DMD: variants seen among roughly 807,000 people sequenced by gnomAD.
The protein encoded by DMD is mutant dystrophin.
DMD carries 63 observed loss-of-function variants against 330.1 expected under a neutral mutation model. That is an observed-to-expected ratio of 0.19 (90% CI 0.16 to 0.24). DMD has a LOEUF of 0.24. DMD is among the 10% of genes least tolerant of loss of function. The pLI, the probability that DMD is intolerant of heterozygous loss-of-function variation, is 1.00. For missense variants in DMD, 3,344 were observed against 2,684.1 expected (o/e 1.25, Z -5.43); for synonymous variants, 1,223 against 959.8 (o/e 1.27, Z -5.07).
intron 43 of DMD, among the ~76,000 whole-genome samples, chrX:32,242,957 AACAG>A (rs200748077): frequency 0.15 from 16,016 of 106,172 alleles, 1,119 homozygotes; most frequent in Admixed American, 0.25. Flanking sequence ...AAGGAAAAGG[AACAG>A]AAGGAAAGGA....
At chrX:31,910,522 G>A (rs1414718164) in intron 47 of DMD, among the ~76,000 whole-genome samples, 2 of 112,267 alleles carry the variant, frequency 1.8e-5, no homozygotes, top group African/African-American at 3.2e-5. Flanking sequence ...GGACCGTCTA[G>A]TGCAGGCTTG....
intron 55 of DMD, among the ~76,000 whole-genome samples, chrX:31,581,968 G>C (rs751842055): frequency 3.6e-5 from 4 of 111,574 alleles, no homozygotes; most frequent in African/African-American, 6.5e-5. Flanking sequence ...TTGTATACCA[G>C]TGCCACCATT....
chrX:32,736,799 G>A (rs1322703128), intron 7 of DMD, among the ~76,000 whole-genome samples: 1 of 108,744 alleles, frequency 9.2e-6, no homozygotes. Context: ...ATAGCACTGG[G>A]AGATTTATCT....
chrX:31,898,461 G>A (rs1469509526), intron 47 of DMD, among the ~76,000 whole-genome samples: 7 of 110,537 alleles, frequency 6.3e-5, no homozygotes, highest in South Asian at 3.9e-4. Flanking sequence ...CAGAAGTAAC[G>A]CCGCATATCT....
At chrX:31,436,797 T>C (rs1417948952) in intron 60 of DMD, among the ~76,000 whole-genome samples, 1 of 112,105 alleles carries the variant, frequency 8.9e-6, no homozygotes, top group Non-Finnish European at 1.9e-5. Flanking sequence ...TAAATGATTA[T>C]TCTCTCCTTA....
chrX:32,775,305 G>C (rs1393648722), intron 7 of DMD, among the ~76,000 whole-genome samples: 1 of 112,281 alleles, frequency 8.9e-6, no homozygotes, highest in Non-Finnish European at 1.9e-5. Flanking sequence ...CTCTTCTCAT[G>C]GCTCCACTAG....
At chrX:32,359,006 C>T (rs2097819890) in intron 37 of DMD, among the ~76,000 whole-genome samples, 1 of 111,783 alleles carries the variant, frequency 8.9e-6, no homozygotes, top group Non-Finnish European at 1.9e-5. Context: ...AAATGAGGCT[C>T]TGAGAGGTAA....
intron 55 of DMD, among the ~76,000 whole-genome samples, chrX:31,562,949 A>G (rs1250222914): frequency 8.9e-6 from 1 of 112,660 alleles, no homozygotes; most frequent in African/African-American, 3.2e-5. Flanking sequence ...GTTTTCTAAG[A>G]GGAATTGCAA....
At chrX:32,725,965 A>G (rs1190952000) in intron 7 of DMD, among the ~76,000 whole-genome samples, 1 of 110,996 alleles carries the variant, frequency 9.0e-6, no homozygotes, top group African/African-American at 3.3e-5. Flanking sequence ...ACATATATAC[A>G]CATACAAACT....
intron 7 of DMD, among the ~76,000 whole-genome samples, chrX:32,753,249 ATAAAAT>A (rs1413527831): frequency 1.8e-5 from 2 of 112,073 alleles, no homozygotes; most frequent in Non-Finnish European, 3.8e-5. Context: ...CACATCAAAA[ATAAAAT>A]TAAACTATTA....
rs576218894 is a variant in DMD at position 32,876,174 on chromosome X, T to A, written c.94-26354A>T. Among the ~76,000 whole-genome samples the A allele has an allele frequency of 1.7e-4, 19 of 111,927 alleles. No individual in the cohort carries two copies. In the South Asian group the frequency reaches 7.1e-3, roughly 42 times the overall value. The stretch of plus-strand genomic sequence containing the variant: ...TTCTATTTCTAACCATATCCAATGA[T>A]ACCACCATCCTCTCAATTTTTCAGC... On this transcript the variant is annotated intron_variant, in intron 2 of 78. Coordinates refer to ENST00000357033, the MANE Select transcript of DMD (RefSeq NM_004006.3).
chrX:32,104,728 AC>A (rs377566672), intron 44 of DMD, among the ~76,000 whole-genome samples: 1 of 111,998 alleles, frequency 8.9e-6, no homozygotes, highest in African/African-American at 3.2e-5. Context: ...AAGATGCCAG[AC>A]ACTTGCGCCT....
intron 7 of DMD, among the ~76,000 whole-genome samples, chrX:32,767,645 A>G (rs1175204614): frequency 9.0e-6 from 1 of 111,691 alleles, no homozygotes; most frequent in East Asian, 2.8e-4. Flanking sequence ...GCATCTAATT[A>G]CTTGGAGCCC....
At chrX:32,667,768 T>TG (rs1491232215) in intron 9 of DMD, among the ~76,000 whole-genome samples, 1 of 23,145 alleles carries the variant, frequency 4.3e-5, no homozygotes, top group Non-Finnish European at 1.0e-4. Context: ...TGCTTTTGTG[T>TG]TTTTTTTTTT....
At chrX:32,697,285 G>A (rs923068568) in intron 9 of DMD, among the ~76,000 whole-genome samples, 4 of 111,464 alleles carry the variant, frequency 3.6e-5, no homozygotes, top group South Asian at 3.7e-4. Flanking sequence ...AAACATTGCC[G>A]AGAATATGAC....
chrX:32,226,194 T>G (rs1434614402), intron 43 of DMD, among the ~76,000 whole-genome samples: 1 of 111,855 alleles, frequency 8.9e-6, no homozygotes, highest in Non-Finnish European at 1.9e-5. Context: ...ACAGACAACC[T>G]CACTTCCTAC....
At chrX:31,673,478 T>C (rs2081924206) in intron 53 of DMD, among the ~76,000 whole-genome samples, 1 of 110,732 alleles carries the variant, frequency 9.0e-6, no homozygotes, top group Non-Finnish European at 1.9e-5. Context: ...TTGGGCGTGG[T>C]GGAATGTGCC....
chrX:32,748,408 C>T (rs1301170190), intron 7 of DMD, among the ~76,000 whole-genome samples: 4 of 109,348 alleles, frequency 3.7e-5, no homozygotes, highest in African/African-American at 1.3e-4. Context: ...GAGGGTGGGG[C>T]ATTTAATCCT....
chrX:32,102,792 C>T (rs773917902), intron 44 of DMD, among the ~76,000 whole-genome samples: 82 of 111,355 alleles, frequency 7.4e-4, no homozygotes, highest in African/African-American at 2.4e-3. Flanking sequence ...TCTTATGCAA[C>T]GAGTAGCTCC....
Sources: allele counts gnomAD v4.1 joint callset (sites outside exome capture counted in the v4.1 genomes callset), GRCh38; gene constraint gnomAD v4.1.1; transcripts MANE v1.5; gene names NCBI Gene and HGNC (gene_info 2026-07-23, HGNC 2026-07-21).